PEBP4: variants seen among roughly 807,000 people sequenced by gnomAD.
PEBP4 encodes phosphatidylethanolamine-binding protein 4.
Under a neutral mutation model 23.9 loss-of-function variants are expected in PEBP4, and 22 were observed. The ratio of observed to expected loss-of-function variants is 0.92; its 90% confidence interval spans 0.66 to 1.31. The LOEUF is 1.31. PEBP4 is among the 40% of genes most tolerant of loss of function. The pLI, the probability that PEBP4 is intolerant of heterozygous loss-of-function variation, is 0.00. For missense variants in PEBP4, 324 were observed against 281.7 expected (o/e 1.15, Z -1.07); for synonymous variants, 112 against 99.3 (o/e 1.13, Z -0.76).
At chr8:22,798,187 C>CT (rs1391218885) in intron 4 of PEBP4, among the ~76,000 whole-genome samples, 1 of 152,136 alleles carries the variant, frequency 6.6e-6, no homozygotes, top group Admixed American at 6.5e-5. Flanking sequence ...ACTCATCATG[C>CT]TTTTTATTTT....
At chr8:22,931,209 T>A (rs117416013), upstream of PEBP4, among the ~76,000 whole-genome samples, 102 of 152,312 alleles carry the variant, frequency 6.7e-4, no homozygotes, top group African/African-American at 2.4e-3. Context: ...CCTGAATTCT[T>A]TTCATTGATT....
intron 6 of PEBP4, among the ~76,000 whole-genome samples, chr8:22,721,458 C>G (rs1804516956): frequency 6.6e-6 from 1 of 152,094 alleles, no homozygotes; most frequent in African/African-American, 2.4e-5. Flanking sequence ...ATCCCCACAT[C>G]CCCCTACATA....
intron 3 of PEBP4, among the ~76,000 whole-genome samples, chr8:22,841,044 A>G (rs1461094569): frequency 2.6e-5 from 4 of 152,262 alleles, no homozygotes; most frequent in Non-Finnish European, 4.4e-5. Context: ...CTTTTCAACT[A>G]CATGCCAAAC....
intron 4 of PEBP4, among the ~76,000 whole-genome samples, chr8:22,777,170 T>G (rs192439751): frequency 1.3e-5 from 2 of 152,032 alleles, no homozygotes; most frequent in Non-Finnish European, 2.9e-5. Flanking sequence ...TGCTGGCCCC[T>G]TCCTCATTTT....
At chr8:22,787,776 G>C (rs1010333627) in intron 4 of PEBP4, among the ~76,000 whole-genome samples, 3 of 152,204 alleles carry the variant, frequency 2.0e-5, no homozygotes, top group African/African-American at 7.2e-5. Flanking sequence ...CCCTGATGGG[G>C]AATGTGGGAG....
intron 3 of PEBP4, among the ~76,000 whole-genome samples, chr8:22,916,662 T>TCATTCATGCATTCATG (rs773507145): frequency 2.6e-5 from 4 of 152,178 alleles, no homozygotes; most frequent in African/African-American, 4.8e-5. Context: ...ATTCATTCAT[T>TCATTCATGCATTCATG]CATTCATGCA....
chr8:22,932,526 T>C (rs573924254), upstream of PEBP4, among the ~76,000 whole-genome samples: 49 of 151,248 alleles, frequency 3.2e-4, 1 homozygote, highest in Middle Eastern at 3.4e-3. Context: ...AACACACATA[T>C]ACACACACAC....
At chr8:22,853,586 C>T (rs1807587720) in intron 3 of PEBP4, among the ~76,000 whole-genome samples, 1 of 152,194 alleles carries the variant, frequency 6.6e-6, no homozygotes, top group Non-Finnish European at 1.5e-5. Flanking sequence ...TAGAGGGAAC[C>T]AGGGCTTCCT....
At chr8:22,796,721 T>C (rs185238345) in intron 4 of PEBP4, among the ~76,000 whole-genome samples, 220 of 150,138 alleles carry the variant, frequency 1.5e-3, no homozygotes, top group African/African-American at 5.2e-3. Flanking sequence ...TGTTCTCACT[T>C]ACAAGTGAGA....
At chr8:22,755,996 G>T (rs1252453943) in intron 4 of PEBP4, 1 of 152,218 alleles carries the variant, frequency 6.6e-6, no homozygotes, top group Non-Finnish European at 1.5e-5. Context: ...CTCCAACGGG[G>T]ACACAACTAA....
At chr8:22,832,714 GA>G (rs1187562441) in intron 3 of PEBP4, among the ~76,000 whole-genome samples, 1 of 152,198 alleles carries the variant, frequency 6.6e-6, no homozygotes, top group Non-Finnish European at 1.5e-5. Context: ...CTGAGTCCTA[GA>G]AGCACTGGCA....
chr8:22,874,897 G>A (rs1017694363), intron 3 of PEBP4, among the ~76,000 whole-genome samples: 3 of 152,188 alleles, frequency 2.0e-5, no homozygotes, highest in Non-Finnish European at 4.4e-5. Flanking sequence ...TATGTGAAGA[G>A]CCATTGAAAT....
At chr8:22,849,340 A>T (rs1440472594) in intron 3 of PEBP4, among the ~76,000 whole-genome samples, 2 of 152,190 alleles carry the variant, frequency 1.3e-5, no homozygotes, top group East Asian at 3.8e-4. Flanking sequence ...TCTGGCATCT[A>T]AGACCTGGTT....
intron 3 of PEBP4, among the ~76,000 whole-genome samples, chr8:22,854,305 T>C (rs1807598680): frequency 1.3e-5 from 2 of 152,174 alleles, no homozygotes; most frequent in Admixed American, 6.5e-5. Context: ...CCAGGACAAA[T>C]CTTTTTGCAG....
At chr8:22,781,442 C>T (rs1167199139) in intron 4 of PEBP4, among the ~76,000 whole-genome samples, 4 of 152,188 alleles carry the variant, frequency 2.6e-5, no homozygotes, top group Non-Finnish European at 4.4e-5. Context: ...GCTTAGTCAC[C>T]GCTTTTTACT....
At chr8:22,846,509 T>A (rs1302223368) in intron 3 of PEBP4, among the ~76,000 whole-genome samples, 1 of 152,168 alleles carries the variant, frequency 6.6e-6, no homozygotes, top group Non-Finnish European at 1.5e-5. Flanking sequence ...ACCTTTTCAC[T>A]TGGCTGCTGA....
chr8:22,855,086 C>T (rs138120660), intron 3 of PEBP4, among the ~76,000 whole-genome samples: 99 of 152,016 alleles, frequency 6.5e-4, no homozygotes, highest in African/African-American at 2.4e-3. Context: ...CCCTGGAAGA[C>T]GTACCATGGT....
chr8:22,724,651 G>A (rs1174134005), intron 6 of PEBP4, among the ~76,000 whole-genome samples, 192 bp downstream of exon 6: 1 of 152,172 alleles, frequency 6.6e-6, no homozygotes, highest in Non-Finnish European at 1.5e-5. Flanking sequence ...ACTTCTCAAG[G>A]GAGACCACAC....
chr8:22,774,188 T>C (rs1202794891), intron 4 of PEBP4, among the ~76,000 whole-genome samples: 1 of 152,178 alleles, frequency 6.6e-6, no homozygotes, highest in Non-Finnish European at 1.5e-5. Flanking sequence ...TGCTGCTCCT[T>C]TCTTTGCTCT....
Sources: allele counts gnomAD v4.1 joint callset (sites outside exome capture counted in the v4.1 genomes callset), GRCh38; gene constraint gnomAD v4.1.1; transcripts MANE v1.5; gene names NCBI Gene and HGNC (gene_info 2026-07-23, HGNC 2026-07-21).